BAHCC1: variants seen among roughly 807,000 people sequenced by gnomAD.
BAHCC1 encodes the protein BAH and coiled-coil domain-containing protein 1.
BAHCC1 carries 43 observed loss-of-function variants against 88.2 expected under a neutral mutation model. The observed-to-expected ratio is 0.49, with a 90% CI of 0.38 to 0.63. The LOEUF is 0.63. BAHCC1 is among the 20% of genes least tolerant of loss of function. The pLI, the probability that BAHCC1 is intolerant of heterozygous loss-of-function variation, is 0.00. For missense variants in BAHCC1, 3,023 were observed against 1,654.8 expected (o/e 1.83, Z -14.34); for synonymous variants, 1,510 against 745.5 (o/e 2.03, Z -16.71).
intron 15 of BAHCC1, among the ~76,000 whole-genome samples, chr17:81,455,771 C>T (rs1261376048): frequency 1.1e-4 from 17 of 152,026 alleles, no homozygotes; most frequent in Admixed American, 8.5e-4. Context: ...CCCCTTTCTT[C>T]TTGGTGTGGG....
intron 2 of BAHCC1, chr17:81,407,321 C>T (rs373358302): frequency 3.3e-5 from 17 of 519,748 alleles, no homozygotes; most frequent in East Asian, 2.7e-4. Context: ...AAAAGAGAAG[C>T]CTTAGCCATA....
rs781840341 is a variant in BAHCC1, at chr17:81,451,815, C to A, written c.4124C>A (p.Thr1375Asn). The A allele has an allele frequency of 7.9e-6, 6 of 757,500 alleles. No individual in the cohort carries two copies. The East Asian group carries it at 9.8e-5, about 12-fold the overall frequency. The allele number at this position is 757,500 out of a possible 1,614,324, so 46.9% of individuals were successfully genotyped here. A position where few individuals can be genotyped will look rare whatever the true frequency, so the allele number is the denominator to read the frequency against. ...AACCCCTGCAGCGGCCCCAGGCTCA[C>A]CCCCCGCATGCAGATCCTGCAGCGC... ...TANPCSGPRL[T>N]PRMQILQRKD... Residue 1375 changes from threonine to asparagine, a missense_variant, in exon 12 of 28, where the codon ACC becomes AAC. Physicochemically the swap from Thr to Asn is moderately conservative, Grantham distance 65. Coordinates refer to ENST00000675386, the MANE Select transcript of BAHCC1 (RefSeq NM_001377448.1).
chr17:81,425,877 G>A (rs2064186301), intron 2 of BAHCC1, among the ~76,000 whole-genome samples: 1 of 150,852 alleles, frequency 6.6e-6, no homozygotes, highest in Non-Finnish European at 1.5e-5. Flanking sequence ...GGGTGATGTG[G>A]TTGGTGGTGA....
At chr17:81,429,415 G>A (rs1598475486) in intron 3 of BAHCC1, among the ~76,000 whole-genome samples, 4 of 152,228 alleles carry the variant, frequency 2.6e-5, no homozygotes, top group East Asian at 1.9e-4. Context: ...CCACGCAGCC[G>A]TGCTCCCCGA....
Position 81,435,306 on chromosome 17 carries a change from CCT to C in BAHCC1, c.359-3061_359-3060del. The C allele has an allele frequency of 4.5e-5, 17 of 376,812 alleles. No individual in the cohort carries two copies. Among genetic ancestry groups the C allele is most frequent in the South Asian group, 3.2e-4 (17 of 53,608 alleles). The allele number at this position is 376,812 out of a possible 1,614,324, so 23.3% of individuals were successfully genotyped here. ...CCCATCAGGTGCCTGTGGCTTTGAGCCTCTGTCTCCTGCAGTCTGTCCCATCA... is the reference window on the plus strand; with the variant it reads ...CCCATCAGGTGCCTGTGGCTTTGAGCCTGTCTCCTGCAGTCTGTCCCATCA... On this transcript the variant is annotated intron_variant, in intron 3 of 27. Transcript: ENST00000675386. This position sits in a 1 kb window ranked among gnomAD's most constrained non-coding sequence, Gnocchi z 4.4.
In BAHCC1 at chr17:81,457,491, C is replaced by A. The variant is rs782113688; in HGVS notation, c.4940C>A (p.Thr1647Asn). 1.0e-5 allele frequency: 8 copies of A among 763,688 alleles called. No individual in the cohort carries two copies. The South Asian group carries it at 1.1e-4, about 11-fold the overall frequency. The allele number at this position is 763,688 out of a possible 1,614,324, so 47.3% of individuals were successfully genotyped here. A position where few individuals can be genotyped will look rare whatever the true frequency, so the allele number is the denominator to read the frequency against. Reference protein sequence around the residue: ...PPREAGLLLHTGASVAVLGPS... With the variant: ...PPREAGLLLHNGASVAVLGPS... ...AGGGAAGCAGGGCTGCTGCTGCACA[C>A]CGGGGCCAGTGTGGCCGTGCTGGGG... The change falls in exon 17 of 28, where the codon ACC (threonine) becomes AAC (asparagine). Residue 1647 changes from threonine (T) to asparagine (N), a missense_variant. Physicochemically the swap from Thr to Asn is moderately conservative, Grantham distance 65. Transcript: ENST00000675386.
intron 2 of BAHCC1, among the ~76,000 whole-genome samples, chr17:81,413,606 C>T (rs1555648188): frequency 6.6e-6 from 1 of 152,238 alleles, no homozygotes; most frequent in Non-Finnish European, 1.5e-5. Flanking sequence ...TCCCAGACGT[C>T]CTGCCTTGGT....
chr17:81,461,261 C>CG lies in BAHCC1; in HGVS notation c.6600dup (p.Arg2201AlafsTer5), dbSNP rs2030236260. The CG allele has an allele frequency of 1.4e-6, 1 of 698,276 alleles. No individual in the cohort carries two copies. Among genetic ancestry groups the CG allele is most frequent in the Non-Finnish European group, 2.6e-6 (1 of 379,642 alleles). The allele number at this position is 698,276 out of a possible 1,614,324, so 43.3% of individuals were successfully genotyped here. On this transcript the variant is annotated frameshift_variant, in exon 26 of 28. Coordinates refer to ENST00000675386, the MANE Select transcript of BAHCC1 (RefSeq NM_001377448.1). ...GGTGGAGGCCGAGAAGGGTGGGCGG[C>CG]GGCGGGCGGGCGGTGAGTTCCTGGT... is the stretch of plus-strand genomic sequence containing the variant.
chr17:81,444,614 C>A (rs368637263), intron 7 of BAHCC1, 46 bp downstream of exon 7: 7 of 751,878 alleles, frequency 9.3e-6, no homozygotes, highest in Non-Finnish European at 1.5e-5. Context: ...GATGAGGGTT[C>A]CCTCCTGGTC....
At chr17:81,428,889 G>T (rs1276751429) in intron 3 of BAHCC1, among the ~76,000 whole-genome samples, 1 of 152,218 alleles carries the variant, frequency 6.6e-6, no homozygotes, top group Non-Finnish European at 1.5e-5. Context: ...GGCTGGGTGG[G>T]AAGCCAATGT....
rs1436904958 is a variant in BAHCC1, at chr17:81,465,972, CAG to C, written c.*2160_*2161del. 1 of 152,518 alleles carries C rather than the reference CAG, an allele frequency of 6.6e-6. No homozygotes were observed. The highest frequency in any genetic ancestry group is 1.9e-4 in the East Asian group (1 of 5,194). The allele number at this position is 152,518 out of a possible 1,614,324, so 9.4% of individuals were successfully genotyped here. On this transcript the variant is annotated 3_prime_UTR_variant, in exon 28 of 28. Transcript: ENST00000675386. The stretch of plus-strand genomic sequence containing the variant: ...GGGGCATGCTGAGCCACTGGAGTTC[CAG>C]AGAGGGCCGAGGAGGGTGCAGCCAC...
intron 3 of BAHCC1, among the ~76,000 whole-genome samples, 191 bp from the exon 4 acceptor site, chr17:81,438,179 G>C: frequency 6.6e-6 from 1 of 152,258 alleles, no homozygotes; most frequent in East Asian, 1.9e-4. Context: ...CCGCACCGGA[G>C]GGATGGCATT....
intron 14 of BAHCC1, among the ~76,000 whole-genome samples, chr17:81,454,072 T>C (rs2064698618): frequency 6.6e-6 from 1 of 152,196 alleles, no homozygotes; most frequent in East Asian, 1.9e-4. Context: ...TGGGTATCCC[T>C]TTGCACCTGT....
intron 17 of BAHCC1, 39 bp from the exon 18 acceptor site, chr17:81,458,126 G>A: frequency 2.8e-6 from 2 of 714,290 alleles, no homozygotes; most frequent in Admixed American, 2.0e-5. Context: ...GGGTCTCTAG[G>A]ATGGGGACCC....
At position 81,411,301 on chromosome 17, in the gene BAHCC1, G is replaced by A. The variant is rs1486759428; in HGVS notation, c.178+11384G>A. Reference sequence around the variant, plus strand: ...AAACCCTGACCCCAGACAGGCAGCAGGAGCTGGACGTGCCGTCAGCCCAGG... The same window carrying A: ...AAACCCTGACCCCAGACAGGCAGCAAGAGCTGGACGTGCCGTCAGCCCAGG... On this transcript the variant is annotated intron_variant, in intron 2 of 27. Coordinates refer to ENST00000675386, the MANE Select transcript of BAHCC1 (RefSeq NM_001377448.1). This position sits in a 1 kb window ranked among gnomAD's most constrained non-coding sequence, Gnocchi z 6.2. Among the ~76,000 whole-genome samples, 1 of 152,018 alleles carries A rather than the reference G, an allele frequency of 6.6e-6. No homozygotes were observed. Among genetic ancestry groups the A allele is most frequent in the Non-Finnish European group, 1.5e-5 (1 of 67,974 alleles).
intron 23 of BAHCC1, 42 bp downstream of exon 23, chr17:81,459,646 AGAC>A (rs1555658586): frequency 1.3e-6 from 1 of 778,268 alleles, no homozygotes; most frequent in Non-Finnish European, 2.4e-6. Flanking sequence ...GGCCCCTCTG[AGAC>A]CCACAGGCTC....
Position 81,459,090 on chromosome 17 carries a change from A to G in BAHCC1, c.5642A>G (p.Asp1881Gly). Residue 1881 changes from aspartate to glycine, a missense_variant, in exon 21 of 28, where the codon GAC becomes GGC. Coordinates refer to ENST00000675386, the MANE Select transcript of BAHCC1 (RefSeq NM_001377448.1). Reference sequence around the variant, plus strand: ...GCCATCCACAAGGAGGACCTGCGGGACGGGCTGCCCGTGCTCATCCCCAAG... The same window carrying G: ...GCCATCCACAAGGAGGACCTGCGGGGCGGGCTGCCCGTGCTCATCCCCAAG... ...SCAIHKEDLR[D>G]GLPVLIPKED... 2.6e-6 allele frequency: 2 copies of G among 770,290 alleles called. No homozygotes were observed. Among genetic ancestry groups the G allele is most frequent in the Non-Finnish European group, 4.8e-6 (2 of 414,118 alleles). The allele number at this position is 770,290 out of a possible 1,614,324, so 47.7% of individuals were successfully genotyped here. A position where few individuals can be genotyped will look rare whatever the true frequency, so the allele number is the denominator to read the frequency against.
In BAHCC1 at chr17:81,461,213, C is replaced by CT; in HGVS notation, c.6551dup (p.Arg2185AlafsTer3). On this transcript the variant is annotated frameshift_variant, in exon 26 of 28. Transcript: ENST00000675386. The stretch of plus-strand genomic sequence containing the variant: ...CCTCCCCAGGGGAGCCCACAAGCTG[C>CT]TGCGGGCTAAGAAGGCCGAGAGGGT... The CT allele has an allele frequency of 1.4e-6, 1 of 726,420 alleles. No individual in the cohort carries two copies. Among genetic ancestry groups the CT allele is most frequent in the Non-Finnish European group, 2.5e-6 (1 of 395,608 alleles). 45.0% of individuals were successfully genotyped at this position (726,420 alleles called of 1,614,324 possible).
chr17:81,443,323 C>G lies in BAHCC1; in HGVS notation c.1974C>G (p.Leu658=), dbSNP rs566922497. 17 of 779,158 alleles carry G rather than the reference C, an allele frequency of 2.2e-5. No homozygotes were observed. The highest frequency in any genetic ancestry group is 6.7e-5 in the South Asian group (5 of 74,616). 48.3% of individuals were successfully genotyped at this position (779,158 alleles called of 1,614,324 possible). ...QKAPLVGLGG[L]KASCIQQEAK... The stretch of plus-strand genomic sequence containing the variant: ...CACCCTTGGTGGGCCTGGGTGGCCT[C>G]AAGGCCAGCTGCATCCAGCAGGAAG... Residue 658 remains leucine, a synonymous_variant, in exon 5 of 28, where the codon CTC becomes CTG. Coordinates refer to ENST00000675386, the MANE Select transcript of BAHCC1 (RefSeq NM_001377448.1).
Sources: gnomAD v4.1 joint callset for allele counts (sites outside exome capture counted in the v4.1 genomes callset) on GRCh38, gnomAD v4.1.1 for gene constraint, Gnocchi (gnomAD v3.1) non-coding constraint, MANE v1.5 for transcripts, NCBI Gene and HGNC (gene_info 2026-07-23, HGNC 2026-07-21) for gene names.